Variants in SLC25A26 observed in about 807,000 individuals in gnomAD.
SLC25A26 encodes solute carrier family 25 member 26.
SLC25A26 carries 36 observed loss-of-function variants against 37.8 expected under a neutral mutation model. The ratio of observed to expected loss-of-function variants is 0.95; its 90% confidence interval spans 0.73 to 1.26. The LOEUF is 1.26. Ranked by LOEUF, SLC25A26 falls within the 50% of genes most tolerant of loss-of-function variation. SLC25A26 has a pLI of 0.00. For missense variants in SLC25A26, 390 were observed against 331.1 expected (o/e 1.18, Z -1.38); for synonymous variants, 129 against 122.5 (o/e 1.05, Z -0.35).
intron 1 of SLC25A26, among the ~76,000 whole-genome samples, chr3:66,164,834 C>A (rs1199244534): frequency 6.6e-6 from 1 of 152,146 alleles, no homozygotes; most frequent in African/African-American, 2.4e-5. Flanking sequence ...CTTCACAACC[C>A]AGTTATCATG....
At chr3:66,209,436 CAT>C (rs1179459837) in intron 1 of SLC25A26, among the ~76,000 whole-genome samples, 1 of 136,344 alleles carries the variant, frequency 7.3e-6, no homozygotes. Flanking sequence ...TATATAGTCA[CAT>C]AAAGATATAT....
At chr3:66,182,951 A>G (rs2106764203) in intron 1 of SLC25A26, among the ~76,000 whole-genome samples, 1 of 152,280 alleles carries the variant, frequency 6.6e-6, no homozygotes, top group African/African-American at 2.4e-5. Context: ...GGTCTTTCCA[A>G]GGACCTAAAG....
chr3:66,282,033 C>A, intron 5 of SLC25A26, among the ~76,000 whole-genome samples: 1 of 113,470 alleles, frequency 8.8e-6, no homozygotes, highest in Non-Finnish European at 1.7e-5. Flanking sequence ...GAGACGGAGT[C>A]TCGCTCTGTC....
chr3:66,191,687 C>T (rs2070944995), intron 1 of SLC25A26, among the ~76,000 whole-genome samples: 1 of 151,234 alleles, frequency 6.6e-6, no homozygotes, highest in Non-Finnish European at 1.5e-5. Context: ...GTCAGGAGTT[C>T]AAGACCAGAC....
Position 66,208,666 on chromosome 3 carries a change from A to ATATATATATATACACATTTATATGGG in SLC25A26, c.-353-12022_-353-11997dup, listed in dbSNP as rs1576638656. On this transcript the variant is annotated intron_variant, in intron 1 of 10. Transcript: ENST00000676754. ...TACACACACACCTTTATATGGGTAT[A>ATATATATATATACACATTTATATGGG]TATATATATATACACATTTATATGG... Among the ~76,000 whole-genome samples the ATATATATATATACACATTTATATGGG allele has an allele frequency of 2.8e-3, 94 of 33,956 alleles. 3 individuals carry two copies. The highest frequency in any genetic ancestry group is 3.3e-3 in the African/African-American group (56 of 16,850). 22.3% of individuals were successfully genotyped at this position (33,956 alleles called of 152,430 possible).
intron 1 of SLC25A26, among the ~76,000 whole-genome samples, chr3:66,146,493 T>A (rs2070116289): frequency 1.5e-5 from 1 of 66,530 alleles, no homozygotes; most frequent in African/African-American, 6.8e-5. Context: ...AGATTCTGCT[T>A]TTTTTATATT....
In SLC25A26 at chr3:66,320,163, C is replaced by T. The variant is rs1050313517; in HGVS notation, c.454-26201C>T. ...TTTAACAATTTTAAGTGCCTAATAGCATTAATTACATTCAGTGTTGTGCAA... is the reference window on the plus strand; with the variant it reads ...TTTAACAATTTTAAGTGCCTAATAGTATTAATTACATTCAGTGTTGTGCAA... On this transcript the variant is annotated intron_variant, in intron 5 of 9. Transcript: ENST00000354883. Among the ~76,000 whole-genome samples, 3 of 152,074 alleles carry T rather than the reference C, an allele frequency of 2.0e-5. No homozygotes were observed. In the South Asian group the frequency reaches 6.2e-4, roughly 32 times the overall value.
At chr3:66,307,600 T>A (rs2075263144) in intron 5 of SLC25A26, among the ~76,000 whole-genome samples, 1 of 152,202 alleles carries the variant, frequency 6.6e-6, no homozygotes, top group Non-Finnish European at 1.5e-5. Flanking sequence ...CTGAATGGTA[T>A]TACCTAGGTT....
chr3:66,170,872 C>T (rs1299081226), intron 1 of SLC25A26, among the ~76,000 whole-genome samples: 6 of 123,394 alleles, frequency 4.9e-5, no homozygotes, highest in African/African-American at 9.4e-5. Context: ...GGCGGGATCT[C>T]GGCTCACTGC....
At chr3:66,356,468 A>G (rs955490064) in intron 6 of SLC25A26, among the ~76,000 whole-genome samples, 6 of 152,206 alleles carry the variant, frequency 3.9e-5, no homozygotes, top group Non-Finnish European at 5.9e-5. Flanking sequence ...CTGTTAATGT[A>G]AAAAGTCAAG....
chr3:66,267,524 A>C (rs2073800536), intron 5 of SLC25A26, among the ~76,000 whole-genome samples: 1 of 152,162 alleles, frequency 6.6e-6, no homozygotes, highest in Non-Finnish European at 1.5e-5. Context: ...TGGAGTCTGG[A>C]GGATAACTTG....
At position 66,306,360 on chromosome 3, in the gene SLC25A26, A is replaced by G. The variant is rs957849645; in HGVS notation, c.454-40004A>G. Among the ~76,000 whole-genome samples, 6 of 136,714 alleles carry G rather than the reference A, an allele frequency of 4.4e-5. No individual in the cohort carries two copies. The South Asian group carries it at 1.2e-3, about 27-fold the overall frequency. 89.7% of individuals were successfully genotyped at this position (136,714 alleles called of 152,430 possible). A position where few individuals can be genotyped will look rare whatever the true frequency, so the allele number is the denominator to read the frequency against. The stretch of plus-strand genomic sequence containing the variant: ...TGTGGTTTTGATTTTCATTTCTCTA[A>G]TCAGTGATGTTGAGCTTTTTTTTCT... On this transcript the variant is annotated intron_variant, in intron 5 of 9. Coordinates refer to ENST00000354883, the MANE Select transcript of SLC25A26 (RefSeq NM_001379210.1).
intron 6 of SLC25A26, among the ~76,000 whole-genome samples, chr3:66,354,921 C>T (rs2076541008): frequency 6.6e-6 from 1 of 152,154 alleles, no homozygotes. Flanking sequence ...ATTGTGAGGC[C>T]TCCCCAGCCA....
intron 2 of SLC25A26, among the ~76,000 whole-genome samples, chr3:66,238,225 T>A (rs1376350221): frequency 1.3e-5 from 2 of 151,988 alleles, no homozygotes; most frequent in Non-Finnish European, 2.9e-5. Flanking sequence ...GGGGTGTCGA[T>A]CCCCTGTGCA....
chr3:66,185,635 C>G (rs1266225561), intron 1 of SLC25A26, among the ~76,000 whole-genome samples: 2 of 152,088 alleles, frequency 1.3e-5, no homozygotes, highest in Non-Finnish European at 2.9e-5. Flanking sequence ...CTGAACTTCA[C>G]CCTGAATGTG....
At chr3:66,134,090 A>G (rs2069910726) in intron 1 of SLC25A26, 1 of 152,230 alleles carries the variant, frequency 6.6e-6, no homozygotes, top group African/African-American at 2.4e-5. Flanking sequence ...CAACTTAGCT[A>G]TTTAGAAGTT....
chr3:66,297,217 A>ATT (rs1290858783), intron 5 of SLC25A26, among the ~76,000 whole-genome samples: 1 of 151,096 alleles, frequency 6.6e-6, no homozygotes, highest in Non-Finnish European at 1.5e-5. Flanking sequence ...AATCCCAGCT[A>ATT]TTCGGGAGGC....
upstream of SLC25A26, among the ~76,000 whole-genome samples, chr3:66,217,974 T>C (rs2071386572): frequency 6.6e-6 from 1 of 152,250 alleles, no homozygotes; most frequent in African/African-American, 2.4e-5. Context: ...CATTGCAAAC[T>C]ATTGTTTTGT....
intron 1 of SLC25A26, among the ~76,000 whole-genome samples, chr3:66,177,534 C>T (rs1427047518): frequency 6.6e-6 from 1 of 152,224 alleles, no homozygotes; most frequent in East Asian, 1.9e-4. Flanking sequence ...GTTCCCCCTC[C>T]ACCTCACATT....
Sources: gnomAD v4.1 joint callset for allele counts (sites outside exome capture counted in the v4.1 genomes callset) on GRCh38, gnomAD v4.1.1 for gene constraint, MANE v1.5 for transcripts, NCBI Gene and HGNC (gene_info 2026-07-23, HGNC 2026-07-21) for gene names.